Variants in ASAP1 observed in about 807,000 individuals in gnomAD.
ASAP1 encodes arf-GAP with SH3 domain, ANK repeat and PH domain-containing protein 1.
ASAP1 carries 43 observed loss-of-function variants against 145.2 expected under a neutral mutation model. The observed-to-expected ratio is 0.30, with a 90% CI of 0.23 to 0.38. The LOEUF is 0.38. Among genes scored for constraint, ASAP1 ranks in the 10% least tolerant of loss-of-function variants. The pLI, the probability that ASAP1 is intolerant of heterozygous loss-of-function variation, is 1.00. For synonymous variants in ASAP1, 546 were observed against 515.5 expected (o/e 1.06, Z -0.80); for missense variants, 1,018 against 1,355.3 (o/e 0.75, Z 3.91).
chr8:130,274,166 T>A (rs1398721925), intron 3 of ASAP1, among the ~76,000 whole-genome samples: 1 of 152,204 alleles, frequency 6.6e-6, no homozygotes, highest in Non-Finnish European at 1.5e-5. Flanking sequence ...CCTCCCTGCC[T>A]GCATTGCTTT....
At chr8:130,191,629 GACCA>G (rs1179356825) in intron 5 of ASAP1, among the ~76,000 whole-genome samples, 4 of 152,098 alleles carry the variant, frequency 2.6e-5, no homozygotes, top group Non-Finnish European at 5.9e-5. Flanking sequence ...GTGTGAGAAG[GACCA>G]ACGCTGACTT....
intron 24 of ASAP1, among the ~76,000 whole-genome samples, chr8:130,106,654 T>C (rs1372035148): frequency 2.0e-5 from 3 of 152,240 alleles, no homozygotes; most frequent in Non-Finnish European, 2.9e-5. Context: ...CTTTCTGCTG[T>C]TGTTTATGCA....
chr8:130,083,245 T>G (rs895520073), intron 25 of ASAP1: 11 of 152,254 alleles, frequency 7.2e-5, no homozygotes, highest in African/African-American at 2.7e-4. Context: ...ATGAGTCTCC[T>G]TTTTCCAAAG....
chr8:130,356,555 A>G (rs1826321678), intron 3 of ASAP1, among the ~76,000 whole-genome samples: 1 of 152,218 alleles, frequency 6.6e-6, no homozygotes, highest in Admixed American at 6.5e-5. Context: ...GAAAAAAGAA[A>G]AGAAAAAATC....
chr8:130,164,978 T>G (rs866783686), intron 11 of ASAP1, among the ~76,000 whole-genome samples: 3 of 152,208 alleles, frequency 2.0e-5, no homozygotes, highest in Non-Finnish European at 2.9e-5. Context: ...CTTCTAAACA[T>G]ATTCTGCAAT....
At chr8:130,136,404 G>T (rs2097594873) in intron 14 of ASAP1, among the ~76,000 whole-genome samples, 1 of 152,176 alleles carries the variant, frequency 6.6e-6, no homozygotes, top group South Asian at 2.1e-4. Context: ...AGGCAGTTCT[G>T]CTTGGAAGCA....
intron 1 of ASAP1, among the ~76,000 whole-genome samples, chr8:130,434,783 T>C (rs1364576822): frequency 6.6e-6 from 1 of 151,986 alleles, no homozygotes; most frequent in Non-Finnish European, 1.5e-5. Flanking sequence ...GCTCGGCCCA[T>C]ATTGATGAGG....
At chr8:130,303,969 T>C (rs1401228053) in intron 3 of ASAP1, among the ~76,000 whole-genome samples, 2 of 152,184 alleles carry the variant, frequency 1.3e-5, no homozygotes, top group Non-Finnish European at 2.9e-5. Context: ...TACATTATTA[T>C]TAACTAATGT....
intron 24 of ASAP1, among the ~76,000 whole-genome samples, chr8:130,111,747 A>C (rs756244541): frequency 6.6e-6 from 1 of 152,166 alleles, no homozygotes; most frequent in African/African-American, 2.4e-5. Flanking sequence ...CCTCAGATTG[A>C]ATCTCAACTT....
At chr8:130,361,930 T>TATATAAA (rs1490913824) in intron 2 of ASAP1, among the ~76,000 whole-genome samples, 41 of 152,198 alleles carry the variant, frequency 2.7e-4, no homozygotes, top group Non-Finnish European at 5.6e-4. Context: ...GCATCATCTC[T>TATATAAA]GTTGTCGCCA....
At chr8:130,406,792 C>T (rs1829050933) in intron 1 of ASAP1, among the ~76,000 whole-genome samples, 1 of 152,092 alleles carries the variant, frequency 6.6e-6, no homozygotes, top group Non-Finnish European at 1.5e-5. Flanking sequence ...CTAGTTCTCT[C>T]ATCTTTAAAA....
chr8:130,188,911 C>T (rs1814943506), intron 5 of ASAP1, among the ~76,000 whole-genome samples: 1 of 152,106 alleles, frequency 6.6e-6, no homozygotes, highest in Non-Finnish European at 1.5e-5. Context: ...TTTTCTTCAA[C>T]TGCTTCTGTC....
intron 3 of ASAP1, among the ~76,000 whole-genome samples, chr8:130,256,749 A>ATATATATATATCCT (rs1449298637): frequency 2.8e-5 from 1 of 36,144 alleles, no homozygotes; most frequent in East Asian, 1.1e-3. Flanking sequence ...TTATATATAT[A>ATATATATATATCCT]TATATATATA....
chr8:130,385,562 T>C (rs1375828812), intron 2 of ASAP1, among the ~76,000 whole-genome samples: 2 of 152,200 alleles, frequency 1.3e-5, no homozygotes, highest in African/African-American at 4.8e-5. Context: ...TACATGGGGA[T>C]GTTTTCTCAG....
At position 130,442,206 on chromosome 8, in the gene ASAP1, A is replaced by C. The variant is rs190716722; in HGVS notation, c.-28+1254T>G. 3.3e-5 allele frequency among the ~76,000 whole-genome samples: 5 copies of C among 152,360 alleles called. No individual in the cohort carries two copies. The East Asian group carries it at 9.6e-4, about 29-fold the overall frequency. Reference sequence around the variant, plus strand: ...AGTGGTGAAGGCTGTGACGCAAAGAAGACGTTTCCAAATCTGTTTCATGGC... The same window carrying C: ...AGTGGTGAAGGCTGTGACGCAAAGACGACGTTTCCAAATCTGTTTCATGGC... On this transcript the variant is annotated intron_variant, in intron 1 of 29. Coordinates refer to ENST00000518721, the MANE Select transcript of ASAP1 (RefSeq NM_018482.4).
intron 5 of ASAP1, among the ~76,000 whole-genome samples, chr8:130,206,632 C>G (rs764392245): frequency 6.6e-5 from 10 of 152,134 alleles, no homozygotes; most frequent in Non-Finnish European, 1.3e-4. Flanking sequence ...TGTCCAAAGG[C>G]CTCCGGAGAG....
chr8:130,108,769 T>G (rs1056400818), intron 24 of ASAP1, among the ~76,000 whole-genome samples: 4 of 118,566 alleles, frequency 3.4e-5, no homozygotes, highest in Admixed American at 8.5e-5. Flanking sequence ...TTTTTTTTTT[T>G]TTTTTTTTTT....
chr8:130,207,848 A>C (rs1382117711), intron 5 of ASAP1, among the ~76,000 whole-genome samples: 1 of 152,210 alleles, frequency 6.6e-6, no homozygotes, highest in Admixed American at 6.5e-5. Context: ...CTTTTATGGA[A>C]TAGCAACCAC....
At chr8:130,275,398 T>TA (rs1820817827) in intron 3 of ASAP1, among the ~76,000 whole-genome samples, 2 of 152,334 alleles carry the variant, frequency 1.3e-5, no homozygotes, top group Middle Eastern at 3.4e-3. Context: ...CAGCAGCACT[T>TA]ACGTACTTTC....
Sources: allele counts gnomAD v4.1 joint callset (sites outside exome capture counted in the v4.1 genomes callset), GRCh38; gene constraint gnomAD v4.1.1; transcripts MANE v1.5; gene names NCBI Gene and HGNC (gene_info 2026-07-23, HGNC 2026-07-21).